The following FAM151B variants were observed in gnomAD, a reference collection of about 807,000 sequenced individuals.
FAM151B encodes protein FAM151B.
FAM151B carries 24 observed loss-of-function variants against 31.2 expected under a neutral mutation model. The ratio of observed to expected loss-of-function variants is 0.77; its 90% CI spans 0.56 to 1.08. The LOEUF (loss-of-function observed/expected upper bound fraction) is 1.08. Among genes scored for constraint, FAM151B ranks in the 50% least tolerant of loss-of-function variants. The pLI is 0.00. For missense variants in FAM151B, 293 were observed against 328.6 expected, an observed-to-expected ratio of 0.89 and a Z score of 0.84; for synonymous variants, 105 against 111.4, an observed-to-expected ratio of 0.94 and a Z score of 0.36.
In FAM151B at chr5:80,513,779, T is replaced by TA. The variant is rs1418575081; in HGVS notation, c.317+13dup. Reference sequence around the variant, plus strand: ...AGCTGGATTTCAAAAGGTATTTGTATAAACACGTTCAATTTTCTGGGAAAA... The same window carrying TA: ...AGCTGGATTTCAAAAGGTATTTGTATAAAACACGTTCAATTTTCTGGGAAAA... On this transcript the variant is annotated intron_variant, in intron 3 of 5. Transcript: ENST00000282226. 2 of 1,594,418 alleles carry TA rather than the reference T, an allele frequency of 1.3e-6. No homozygotes were observed. The highest frequency in any genetic ancestry group is 1.7e-6 in the Non-Finnish European group (2 of 1,172,360).
At chr5:80,500,472 A>G in intron 1 of FAM151B, 2 of 843,276 alleles carry the variant, frequency 2.4e-6, no homozygotes, top group Non-Finnish European at 4.0e-6. Context: ...GCAAGGAGGA[A>G]GCTTATCTGT....
chr5:80,533,905 A>G (rs1745368242), intron 5 of FAM151B, among the ~76,000 whole-genome samples: 1 of 152,122 alleles, frequency 6.6e-6, no homozygotes, highest in South Asian at 2.1e-4. Flanking sequence ...AATAAATAAA[A>G]TCAGATATGA....
At chr5:80,496,955 C>T (rs1029060801) in intron 1 of FAM151B, among the ~76,000 whole-genome samples, 3 of 151,668 alleles carry the variant, frequency 2.0e-5, no homozygotes, top group Non-Finnish European at 4.4e-5. Flanking sequence ...GGACTACAGA[C>T]GTGAGCCACC....
intron 5 of FAM151B, among the ~76,000 whole-genome samples, chr5:80,523,133 G>T (rs559632234): frequency 6.6e-6 from 1 of 152,088 alleles, no homozygotes; most frequent in South Asian, 2.1e-4. Flanking sequence ...AATAAACAAG[G>T]GATGATTCCT....
chr5:80,501,113 A>G, intron 1 of FAM151B: 1 of 379,376 alleles, frequency 2.6e-6, no homozygotes, highest in East Asian at 5.9e-5. Context: ...TCCCATGTTC[A>G]AGCGATTCTC....
At chr5:80,536,161 G>A (rs913648496) in intron 5 of FAM151B, among the ~76,000 whole-genome samples, 4 of 149,324 alleles carry the variant, frequency 2.7e-5, no homozygotes, top group African/African-American at 1.0e-4. Flanking sequence ...GTTTAGTTTA[G>A]TTTTGTTTTG....
intron 5 of FAM151B, among the ~76,000 whole-genome samples, chr5:80,538,436 CTTTCTTTCTTTCTCTTTCTTTCTTTCTTT>C (rs1745652553): frequency 1.7e-5 from 1 of 59,684 alleles, no homozygotes; most frequent in African/African-American, 9.0e-5. Context: ...TTCTTTCTTT[CTTTCTTTCTTTCTCTTTCTTTCTTTCTTT>C]CTTTCTTTCT....
chr5:80,512,980 A>G (rs1037332268), intron 2 of FAM151B, among the ~76,000 whole-genome samples: 1 of 152,108 alleles, frequency 6.6e-6, no homozygotes, highest in African/African-American at 2.4e-5. Flanking sequence ...CCAACCCATC[A>G]CAAGACCTGC....
intron 1 of FAM151B, among the ~76,000 whole-genome samples, chr5:80,493,374 T>A (rs1301028422): frequency 6.6e-6 from 1 of 152,196 alleles, no homozygotes; most frequent in African/African-American, 2.4e-5. Flanking sequence ...AAAACATGTG[T>A]GTTTGAACAG....
At chr5:80,517,348 C>G (rs988900639) in intron 3 of FAM151B, among the ~76,000 whole-genome samples, 3 of 152,122 alleles carry the variant, frequency 2.0e-5, no homozygotes, top group Non-Finnish European at 4.4e-5. Flanking sequence ...CCTTGGAGGT[C>G]TTGGAACATA....
At chr5:80,507,419 G>A (rs184607873) in intron 2 of FAM151B, among the ~76,000 whole-genome samples, 1,801 of 152,226 alleles carry the variant, frequency 0.012, 31 homozygotes, top group African/African-American at 0.04. Context: ...GGTGGTTCAC[G>A]CCTATAATCC....
chr5:80,535,312 C>A (rs1027976676), intron 5 of FAM151B, among the ~76,000 whole-genome samples: 22 of 152,074 alleles, frequency 1.4e-4, no homozygotes, highest in African/African-American at 4.6e-4. Context: ...GCAAAATGAA[C>A]AAAACTGGAA....
intron 2 of FAM151B, among the ~76,000 whole-genome samples, chr5:80,508,597 C>T (rs1281649662): frequency 6.6e-6 from 1 of 152,116 alleles, no homozygotes; most frequent in Admixed American, 6.5e-5. Context: ...GCTTTCTTAG[C>T]CTGTTCCCTG....
intron 5 of FAM151B, among the ~76,000 whole-genome samples, chr5:80,524,874 A>G (rs953387789): frequency 2.0e-5 from 3 of 152,188 alleles, no homozygotes; most frequent in African/African-American, 7.2e-5. Context: ...GAAGACAGCA[A>G]CCTTGCTTAT....
chr5:80,519,219 G>A (rs938896795), intron 3 of FAM151B, among the ~76,000 whole-genome samples: 41 of 152,116 alleles, frequency 2.7e-4, no homozygotes, highest in African/African-American at 5.1e-4. Flanking sequence ...AATACATAAG[G>A]GAAAGAAGCT....
intron 1 of FAM151B, among the ~76,000 whole-genome samples, chr5:80,498,349 A>G (rs1178017548): frequency 6.6e-6 from 1 of 152,030 alleles, no homozygotes; most frequent in Admixed American, 6.6e-5. Flanking sequence ...TCTGCAGCCC[A>G]GCGTTAGAAG....
chr5:80,515,113 C>T (rs375592497), intron 3 of FAM151B, among the ~76,000 whole-genome samples: 116 of 151,988 alleles, frequency 7.6e-4, no homozygotes, highest in African/African-American at 2.8e-3. Context: ...TGGTGGTGCG[C>T]ACCTGTAATT....
chr5:80,538,506 T>G (rs1471526640), intron 5 of FAM151B, among the ~76,000 whole-genome samples: 2 of 105,440 alleles, frequency 1.9e-5, no homozygotes, highest in East Asian at 4.8e-4. Context: ...TTCCTTTCTT[T>G]TCTTTCTTTC....
rs571573697 is a variant in FAM151B at position 80,520,766 on chromosome 5, CT to C, written c.535+864del. ...TATATTCTCTATATATACATAGATA[CT>C]TTTTTTTCAAGCTATTTAGAAACAA... On this transcript the variant is annotated intron_variant, in intron 4 of 5. Transcript: ENST00000282226. Among the ~76,000 whole-genome samples the C allele has an allele frequency of 7.6e-4, 106 of 139,638 alleles. 5 individuals carry two copies. The East Asian group carries it at 0.02, about 27-fold the overall frequency. The allele number at this position is 139,638 out of a possible 152,430, so 91.6% of individuals were successfully genotyped here.
Sources: gnomAD v4.1 joint callset for allele counts (sites outside exome capture counted in the v4.1 genomes callset) on GRCh38, gnomAD v4.1.1 for gene constraint, MANE v1.5 for transcripts, NCBI Gene and HGNC (gene_info 2026-07-23, HGNC 2026-07-21) for gene names.